ADCYAP1R1: variants seen among roughly 807,000 people sequenced by gnomAD.
ADCYAP1R1 encodes the protein pituitary adenylate cyclase-activating polypeptide type I receptor.
ADCYAP1R1 carries 44 observed loss-of-function variants against 67.6 expected under a neutral mutation model. The observed-to-expected ratio is 0.65, with a 90% confidence interval of 0.51 to 0.84. The LOEUF (loss-of-function observed/expected upper bound fraction) is 0.84. ADCYAP1R1 is among the 40% of genes least tolerant of loss of function. ADCYAP1R1 has a pLI of 0.00. For missense variants in ADCYAP1R1, 477 were observed against 587.9 expected (o/e 0.81, Z 1.95); for synonymous variants, 222 against 219.6 (o/e 1.01, Z -0.10).
chr7:31,067,982 C>T (rs564647504), intron 3 of ADCYAP1R1, among the ~76,000 whole-genome samples: 2 of 152,250 alleles, frequency 1.3e-5, no homozygotes, highest in Admixed American at 1.3e-4. Flanking sequence ...AGGTCAGCGC[C>T]ACTTGGAACA....
At chr7:31,085,232 C>G (rs759909264) in intron 8 of ADCYAP1R1, 78 bp from the exon 9 acceptor site, 44 of 1,546,030 alleles carry the variant, frequency 2.8e-5, no homozygotes, top group Non-Finnish European at 3.7e-5. Context: ...CAGAGTTGGC[C>G]CACCACAGAT....
chr7:31,075,826 G>A (rs1436843015), intron 3 of ADCYAP1R1, among the ~76,000 whole-genome samples: 1 of 152,146 alleles, frequency 6.6e-6, no homozygotes, highest in Non-Finnish European at 1.5e-5. Flanking sequence ...TCAGTGAGGG[G>A]TCCTGAGCCT....
chr7:31,062,221 C>G (rs1584477770), intron 1 of ADCYAP1R1, among the ~76,000 whole-genome samples: 1 of 152,164 alleles, frequency 6.6e-6, no homozygotes, highest in East Asian at 1.9e-4. Flanking sequence ...TACTCTTCCC[C>G]TGGGAGCGTG....
At chr7:31,097,500 C>T (rs539399537) in intron 13 of ADCYAP1R1, among the ~76,000 whole-genome samples, 18 of 152,276 alleles carry the variant, frequency 1.2e-4, no homozygotes, top group Non-Finnish European at 2.2e-4. Context: ...TCTTTAGACC[C>T]ATCTCCTTCA....
chr7:31,080,088 G>A (rs530665381), intron 4 of ADCYAP1R1, among the ~76,000 whole-genome samples: 1 of 152,284 alleles, frequency 6.6e-6, no homozygotes, highest in South Asian at 2.1e-4. Context: ...TCTCAACAAC[G>A]AAAGGCAAAA....
intron 9 of ADCYAP1R1, among the ~76,000 whole-genome samples, chr7:31,085,739 A>G (rs73078040): frequency 1.4e-3 from 218 of 152,332 alleles, no homozygotes; most frequent in Middle Eastern, 3.4e-3. Context: ...GTCCCACTTG[A>G]ATGAAGAGGA....
Position 31,086,645 on chromosome 7 carries a change from C to T in ADCYAP1R1, c.823+108C>T, listed in dbSNP as rs1408238832. ...AGTGTCAGGTGAGGAGGGGCCACTG[C>T]CCTGCCCGAGTCTAATGGCCTAGGC... On this transcript the variant is annotated intron_variant, in intron 10 of 15. Coordinates refer to ENST00000304166, the MANE Select transcript of ADCYAP1R1 (RefSeq NM_001118.5). This position sits in a 1 kb window ranked among gnomAD's most constrained non-coding sequence, Gnocchi z 5.0. 5.3e-5 allele frequency: 72 copies of T among 1,349,390 alleles called. No homozygotes were observed. Among genetic ancestry groups the T allele is most frequent in the Non-Finnish European group, 7.0e-5 (68 of 972,990 alleles). 83.6% of individuals were successfully genotyped at this position (1,349,390 alleles called of 1,614,324 possible). A position where few individuals can be genotyped will look rare whatever the true frequency, so the allele number is the denominator to read the frequency against.
intron 13 of ADCYAP1R1, among the ~76,000 whole-genome samples, chr7:31,095,211 T>C (rs1796140328): frequency 1.3e-5 from 2 of 152,150 alleles, no homozygotes; most frequent in African/African-American, 4.8e-5. Flanking sequence ...TCAAATAGAA[T>C]CACCATGTTA....
chr7:31,070,077 T>TCCA (rs1332751058), intron 3 of ADCYAP1R1, among the ~76,000 whole-genome samples: 1 of 152,094 alleles, frequency 6.6e-6, no homozygotes, highest in Non-Finnish European at 1.5e-5. Flanking sequence ...TGGGGTGGGA[T>TCCA]CCAGGTCTGT....
intron 3 of ADCYAP1R1, among the ~76,000 whole-genome samples, chr7:31,077,749 T>C (rs1025870048): frequency 6.7e-6 from 1 of 149,944 alleles, no homozygotes; most frequent in African/African-American, 2.5e-5. Context: ...TGTATGTTGC[T>C]GTGTGGTGTC....
At chr7:31,078,698 C>T (rs374935759) in intron 4 of ADCYAP1R1, among the ~76,000 whole-genome samples, 2 of 152,200 alleles carry the variant, frequency 1.3e-5, no homozygotes, top group Non-Finnish European at 2.9e-5. Context: ...CGCACACTCA[C>T]GTTTGCTCAG....
At chr7:31,103,752 G>A (rs1283024506) in intron 14 of ADCYAP1R1, among the ~76,000 whole-genome samples, 4 of 152,214 alleles carry the variant, frequency 2.6e-5, no homozygotes, top group Admixed American at 2.0e-4. Flanking sequence ...CCAGCACAGG[G>A]CCTGGCCACA....
rs1795353133 is a variant in ADCYAP1R1, at chr7:31,078,088, C to T, written c.255C>T (p.Asn85=). The change falls in exon 4 of 16, where the codon AAC becomes AAT. Residue 85 remains asparagine (N), a synonymous_variant. Coordinates refer to ENST00000304166, the MANE Select transcript of ADCYAP1R1 (RefSeq NM_001118.5). The part of the protein sequence containing the change: ...VSCPELFRIF[N]PDQVWETETI... ...GCCCTGAGCTCTTCCGAATCTTCAA[C>T]CCAGACCAAGGTGGGTTTAGCCCAG... is the stretch of plus-strand genomic sequence containing the variant. The T allele has an allele frequency of 6.2e-7, 1 of 1,610,964 alleles. No homozygotes were observed. The highest frequency in any genetic ancestry group is 1.3e-5 in the African/African-American group (1 of 74,948).
At chr7:31,064,803 C>T (rs1292460589) in intron 2 of ADCYAP1R1, 28 bp from the exon 3 acceptor site, 2 of 1,580,864 alleles carry the variant, frequency 1.3e-6, no homozygotes, top group Non-Finnish European at 1.7e-6. Flanking sequence ...CTACCCGCTC[C>T]CACCATCCAT....
chr7:31,069,102 C>G (rs1794867087), intron 3 of ADCYAP1R1, among the ~76,000 whole-genome samples: 1 of 152,156 alleles, frequency 6.6e-6, no homozygotes, highest in Non-Finnish European at 1.5e-5. Context: ...TGTTAAAAGC[C>G]TCCAGGTGAT....
intron 6 of ADCYAP1R1, 107 bp from the exon 7 acceptor site, chr7:31,084,034 G>C (rs187623340): frequency 5.7e-6 from 5 of 881,952 alleles, no homozygotes; most frequent in Non-Finnish European, 9.2e-6. Flanking sequence ...TTCCCAGTTG[G>C]TCATAGGGGT....
chr7:31,074,989 T>A (rs1204913760), intron 3 of ADCYAP1R1, among the ~76,000 whole-genome samples: 1 of 152,176 alleles, frequency 6.6e-6, no homozygotes, highest in African/African-American at 2.4e-5. Flanking sequence ...ATTTTCTCCG[T>A]CTAAAAGCTG....
chr7:31,059,945 A>T (rs879403329), intron 1 of ADCYAP1R1, among the ~76,000 whole-genome samples: 44 of 151,846 alleles, frequency 2.9e-4, no homozygotes, highest in South Asian at 1.3e-3. Flanking sequence ...GTGGACTGTA[A>T]TGGGTGTGGG....
chr7:31,064,118 T>G (rs534802092), intron 2 of ADCYAP1R1, among the ~76,000 whole-genome samples: 1 of 152,356 alleles, frequency 6.6e-6, no homozygotes, highest in Non-Finnish European at 1.5e-5. Flanking sequence ...ACCAGTGGTA[T>G]AACTTTGGGC....
Sources: gnomAD v4.1 joint callset for allele counts (sites outside exome capture counted in the v4.1 genomes callset) on GRCh38, gnomAD v4.1.1 for gene constraint, Gnocchi (gnomAD v3.1) non-coding constraint, MANE v1.5 for transcripts, NCBI Gene and HGNC (gene_info 2026-07-23, HGNC 2026-07-21) for gene names.